CYP1A1: variants seen among roughly 807,000 people sequenced by gnomAD.
CYP1A1 encodes cytochrome P450 family 1 subfamily A member 1, also known as cytochrome P450 1A1.
In CYP1A1, 43 loss-of-function variants were observed where a neutral mutation model predicts 33.6. The ratio of observed to expected loss-of-function variants is 1.28; its 90% CI spans 1.00 to 1.65. The LOEUF (loss-of-function observed/expected upper bound fraction) is 1.65, where lower values mean the gene tolerates loss of function less well. Among genes scored for constraint, CYP1A1 ranks in the 40% most tolerant of loss-of-function variants. The probability of loss-of-function intolerance (pLI) is 0.00; values close to 1 mark genes in which losing one functional copy is unlikely to be tolerated. For missense variants in CYP1A1, 637 were observed against 653.7 expected (o/e 0.97, Z 0.28); for synonymous variants, 280 against 257.8 (o/e 1.09, Z -0.83).
chr15:74,721,861 T>A (rs1567196337), intron 2 of CYP1A1, 144 bp from the exon 3 acceptor site: 1 of 1,036,136 alleles, frequency 9.7e-7, no homozygotes, highest in East Asian at 2.5e-5. Flanking sequence ...TCTCTGCCTC[T>A]GCAAGGCTCT....
rs1244914029 is a variant in CYP1A1, at chr15:74,720,019, G to A, written c.*470C>T. On this transcript the variant is annotated 3_prime_UTR_variant, in exon 7 of 7. Coordinates refer to ENST00000379727, the MANE Select transcript of CYP1A1 (RefSeq NM_001319217.2). ...GTTCAAGCAGTGAGACTACCTCTGT[G>A]CCAGTATCCTGGGCTGTCTCTTCCC... is the stretch of plus-strand genomic sequence containing the variant. 1.3e-5 allele frequency: 2 copies of A among 153,970 alleles called. No homozygotes were observed. The highest frequency in any genetic ancestry group is 2.9e-5 in the Non-Finnish European group (2 of 69,416). 9.5% of individuals were successfully genotyped at this position (153,970 alleles called of 1,614,324 possible). A position where few individuals can be genotyped will look rare whatever the true frequency, so the allele number is the denominator to read the frequency against.
rs1200592694 is a variant in CYP1A1, at chr15:74,720,424, C to A, written c.*65G>T. On this transcript the variant is annotated 3_prime_UTR_variant, in exon 7 of 7. Coordinates refer to ENST00000379727, the MANE Select transcript of CYP1A1 (RefSeq NM_001319217.2). ...CTGAACCTTAGACCACATAGGCCAG[C>A]CTGCTGGTCTGGCTGCCCAACCAGA... 2 of 1,492,884 alleles carry A rather than the reference C, an allele frequency of 1.3e-6. No individual in the cohort carries two copies. The highest frequency in any genetic ancestry group is 4.6e-5 in the East Asian group (2 of 43,556). 92.5% of individuals were successfully genotyped at this position (1,492,884 alleles called of 1,614,324 possible).
chr15:74,720,749 A>G lies in CYP1A1; in HGVS notation c.1279T>C (p.Phe427Leu). Reference sequence around the variant, plus strand: ...GGGGTGAGAAACCGTTCAGGTAGGAACTCAGATGGGTTGACCCATAGCTTC... The same window carrying G: ...GGGGTGAGAAACCGTTCAGGTAGGAGCTCAGATGGGTTGACCCATAGCTTC... ...DQKLWVNPSE[F>L]LPERFLTPDG... The change falls in exon 7 of 7, where the codon TTC (phenylalanine) becomes CTC (leucine). Residue 427 changes from phenylalanine (F) to leucine (L), a missense_variant. Transcript: ENST00000379727. The G allele has an allele frequency of 1.2e-6, 2 of 1,613,268 alleles. No homozygotes were observed. The highest frequency in any genetic ancestry group is 2.2e-5 in the South Asian group (2 of 90,902).
At chr15:74,723,795 C>T (rs1239339544) in intron 1 of CYP1A1, among the ~76,000 whole-genome samples, 1 of 152,146 alleles carries the variant, frequency 6.6e-6, no homozygotes, top group Non-Finnish European at 1.5e-5. Flanking sequence ...AGTGACAGAG[C>T]CAGGACTCAG....
chr15:74,721,826 C>A (rs2063172913), intron 2 of CYP1A1, 109 bp from the exon 3 acceptor site: 1 of 1,405,038 alleles, frequency 7.1e-7, no homozygotes, highest in Admixed American at 2.1e-5. Flanking sequence ...GAGGTGATGC[C>A]CCCTGAGGCT....
At position 74,722,464 on chromosome 15, in the gene CYP1A1, G is replaced by A; in HGVS notation, c.634C>T (p.Gln212Ter). 6.2e-7 allele frequency: 1 copy of A among 1,614,132 alleles called. No individual in the cohort carries two copies. The highest frequency in any genetic ancestry group is 1.3e-5 in the African/African-American group (1 of 75,014). The change falls in exon 2 of 7, where the codon CAA (glutamine) becomes TAA (stop). Residue 212 changes from glutamine to a stop codon, truncating the protein, a stop_gained. Transcript: ENST00000379727. LOFTEE classifies it high-confidence loss of function. ...AGGTTGACTAGGCTAAGCAGTTCTTGGTGGTTGTGGTCATAGCGCCGGCCA... is the reference window on the plus strand; with the variant it reads ...AGGTTGACTAGGCTAAGCAGTTCTTAGTGGTTGTGGTCATAGCGCCGGCCA... ...CFGRRYDHNHQELLSLVNLNN... is the reference protein window; with the variant it reads ...CFGRRYDHNH
At chr15:74,722,041 T>G in intron 2 of CYP1A1, 1 of 595,770 alleles carries the variant, frequency 1.7e-6, no homozygotes, top group Non-Finnish European at 3.0e-6. Flanking sequence ...GGGTCCTGCA[T>G]GTAATGACTC....
At chr15:74,724,233 G>A (rs896980962) in intron 1 of CYP1A1, among the ~76,000 whole-genome samples, 1 of 152,144 alleles carries the variant, frequency 6.6e-6, no homozygotes, top group Non-Finnish European at 1.5e-5. Context: ...TGGAATCAGG[G>A]AAATCAGGAA....
rs1460389026 is a variant in CYP1A1, at chr15:74,720,721, T to C, written c.1307A>G (p.Asp436Gly). ...EFLPERFLTP[D>G]GAIDKVLSEK... ...ACTTAACACCTTGTCGATAGCACCA[T>C]CAGGGGTGAGAAACCGTTCAGGTAG... The change falls in exon 7 of 7, where the codon GAT becomes GGT. Residue 436 changes from aspartate to glycine, a missense_variant. Physicochemically the swap from Asp to Gly is moderately conservative, Grantham distance 94. Transcript: ENST00000379727. The C allele has an allele frequency of 6.2e-7, 1 of 1,614,120 alleles. No individual in the cohort carries two copies. The highest frequency in any genetic ancestry group is 8.5e-7 in the Non-Finnish European group (1 of 1,180,016).
At chr15:74,721,087 C>A (rs775344373) in intron 5 of CYP1A1, 34 bp from the exon 6 acceptor site, 10 of 1,612,410 alleles carry the variant, frequency 6.2e-6, no homozygotes, top group East Asian at 2.2e-5. Flanking sequence ...AGGCTCAGGG[C>A]AACAGGCAAA....
In CYP1A1 at chr15:74,721,001, CACA is replaced by C. The variant is rs758349216; in HGVS notation, c.1216_1218del (p.Cys406del). On this transcript the variant is annotated inframe_deletion, in exon 6 of 7. Transcript: ENST00000379727. Reference sequence around the variant, plus strand: ...TTGATCTGCCACTGGTTTACAAAGACACAACGCCCCTTGGGGATGTAAAAGCCT... The same window carrying C: ...TTGATCTGCCACTGGTTTACAAAGACACGCCCCTTGGGGATGTAAAAGCCT... 6.2e-7 allele frequency: 1 copy of C among 1,614,208 alleles called. No homozygotes were observed. The highest frequency in any genetic ancestry group is 8.5e-7 in the Non-Finnish European group (1 of 1,180,044).
Position 74,721,724 on chromosome 15 carries a change from TAGGGAAAGTCCAC to T in CYP1A1, c.826-20_826-8del. The T allele has an allele frequency of 6.2e-7, 1 of 1,613,512 alleles. No homozygotes were observed. Among genetic ancestry groups the T allele is most frequent in the South Asian group, 1.1e-5 (1 of 90,996 alleles). The stretch of plus-strand genomic sequence containing the variant: ...TGATGTCCCGGATGTGGCCCTTAGG[TAGGGAAAGTCCAC>T]AGGTGAGCAAGATCTCAAACCCAGA... On this transcript the variant is annotated splice_region_variant and splice_polypyrimidine_tract_variant and intron_variant, in intron 2 of 6. Coordinates refer to ENST00000379727, the MANE Select transcript of CYP1A1 (RefSeq NM_001319217.2).
chr15:74,723,593 T>C (rs1003663279), intron 1 of CYP1A1, among the ~76,000 whole-genome samples: 2 of 152,202 alleles, frequency 1.3e-5, no homozygotes, highest in African/African-American at 2.4e-5. Context: ...ACAATATCTA[T>C]GTGAAAGTAC....
rs142388113 is a variant in CYP1A1, at chr15:74,720,545, C to A, written c.1483G>T (p.Gly495Trp). ...GVKVDMTPIY[G>W]LTMKHACCEH... The stretch of plus-strand genomic sequence containing the variant: ...CAGCAGGCATGCTTCATGGTTAGCC[C>A]ATAGATGGGGGTCATGTCCACCTTC... The change falls in exon 7 of 7, where the codon GGG becomes TGG. Residue 495 changes from glycine (G) to tryptophan (W), a missense_variant. Physicochemically the swap from Gly to Trp is radical, Grantham distance 184 (BLOSUM62 -2). Transcript: ENST00000379727. The A allele has an allele frequency of 3.4e-5, 54 of 1,608,242 alleles. No individual in the cohort carries two copies. Among genetic ancestry groups the A allele is most frequent in the Non-Finnish European group, 4.0e-5 (47 of 1,177,228 alleles).
chr15:74,722,642 G>A lies in CYP1A1; in HGVS notation c.456C>T (p.Ala152=). The A allele has an allele frequency of 6.2e-7, 1 of 1,614,070 alleles. No homozygotes were observed. The highest frequency in any genetic ancestry group is 1.1e-5 in the South Asian group (1 of 91,084). The change falls in exon 2 of 7, where the codon GCC becomes GCT. Residue 152 remains alanine, a synonymous_variant. Coordinates refer to ENST00000379727, the MANE Select transcript of CYP1A1 (RefSeq NM_001319217.2). ...LKSFSIASDP[A]SSTSCYLEEH... ...CTTCCAGGTAGCAGGAGGTTGAGGA[G>A]GCTGGGTCAGAGGCAATGGAGAAAC...
intron 1 of CYP1A1, among the ~76,000 whole-genome samples, chr15:74,723,402 A>G (rs926477057): frequency 4.6e-5 from 7 of 152,190 alleles, no homozygotes; most frequent in African/African-American, 1.2e-4. Flanking sequence ...ACAGCCAGAA[A>G]GTGTTGGATG....
rs1300396052 is a variant in CYP1A1, at chr15:74,720,751, T to C, written c.1277A>G (p.Glu426Gly). 2 of 1,612,786 alleles carry C rather than the reference T, an allele frequency of 1.2e-6. No individual in the cohort carries two copies. The highest frequency in any genetic ancestry group is 2.2e-5 in the East Asian group (1 of 44,852). Reference protein sequence around the residue: ...HDQKLWVNPSEFLPERFLTPD... With the variant: ...HDQKLWVNPSGFLPERFLTPD... ...GGTGAGAAACCGTTCAGGTAGGAAC[T>C]CAGATGGGTTGACCCATAGCTTCCT... The change falls in exon 7 of 7, where the codon GAG becomes GGG. Residue 426 changes from glutamate to glycine, a missense_variant. Physicochemically the swap from Glu to Gly is moderately conservative, Grantham distance 98. Coordinates refer to ENST00000379727, the MANE Select transcript of CYP1A1 (RefSeq NM_001319217.2).
chr15:74,725,007 G>A (rs2063204295), intron 1 of CYP1A1, among the ~76,000 whole-genome samples: 1 of 152,152 alleles, frequency 6.6e-6, no homozygotes, highest in Admixed American at 6.5e-5. Context: ...GCTAGGGCAG[G>A]GTACAGCTGG....
In CYP1A1 at chr15:74,721,488, G is replaced by T. The variant is rs1596347927; in HGVS notation, c.968C>A (p.Thr323Lys). 6.2e-7 allele frequency: 1 copy of T among 1,614,220 alleles called. No homozygotes were observed. Among genetic ancestry groups the T allele is most frequent in the East Asian group, 2.2e-5 (1 of 44,888 alleles). ...CATGAGGCTCCAGGAGATAGCAGTT[G>T]TGACTGTGTCAAACCCTGGACAGGG... is the stretch of plus-strand genomic sequence containing the variant. ...DLFGAGFDTVTTAISWSLMYL... is the reference protein window; with the variant it reads ...DLFGAGFDTVKTAISWSLMYL... Residue 323 changes from threonine (T) to lysine (K), a missense_variant, in exon 4 of 7, where the codon ACA (threonine) becomes AAA (lysine). Coordinates refer to ENST00000379727, the MANE Select transcript of CYP1A1 (RefSeq NM_001319217.2).
Sources: gnomAD v4.1 joint callset for allele counts (sites outside exome capture counted in the v4.1 genomes callset) on GRCh38, gnomAD v4.1.1 for gene constraint, MANE v1.5 for transcripts, NCBI Gene and HGNC (gene_info 2026-07-23, HGNC 2026-07-21) for gene names.